CARMIL3: variants seen among roughly 807,000 people sequenced by gnomAD.
CARMIL3 encodes the protein capping protein, Arp2/3 and myosin-I linker protein 3.
CARMIL3 carries 88 observed loss-of-function variants against 180.8 expected under a neutral mutation model. That is an observed-to-expected ratio of 0.49 (90% CI 0.41 to 0.58). CARMIL3 has a LOEUF of 0.58. Among genes scored for constraint, CARMIL3 ranks in the 20% least tolerant of loss-of-function variants. CARMIL3 has a pLI of 0.00. For missense variants in CARMIL3, 1,548 were observed against 1,787.0 expected, an observed-to-expected ratio of 0.87 and a Z score of 2.41; for synonymous variants, 696 against 714.5, an observed-to-expected ratio of 0.97 and a Z score of 0.41.
Position 24,054,392 on chromosome 14 carries a change from C to G in CARMIL3, c.247-4C>G. The G allele has an allele frequency of 6.2e-7, 1 of 1,614,122 alleles. No individual in the cohort carries two copies. The highest frequency in any genetic ancestry group is 8.5e-7 in the Non-Finnish European group (1 of 1,179,994). Reference sequence around the variant, plus strand: ...CTGAGGCTCTGACGCTTCGTCTCCCCCAGATCCTGGTGGAGACGGAGCGTG... The same window carrying G: ...CTGAGGCTCTGACGCTTCGTCTCCCGCAGATCCTGGTGGAGACGGAGCGTG... On this transcript the variant is annotated splice_polypyrimidine_tract_variant and splice_region_variant and intron_variant, in intron 4 of 39. Transcript: ENST00000342740. The surrounding 1 kb of genome is among the most constrained non-coding windows in gnomAD (Gnocchi z 5.1).
rs2035641995 is a variant in CARMIL3, at chr14:24,053,724, G to T, written c.56G>T (p.Cys19Phe). Residue 19 changes from cysteine (C) to phenylalanine (F), a missense_variant, in exon 2 of 40, where the codon TGC (cysteine) becomes TTC (phenylalanine). Coordinates refer to ENST00000342740, the MANE Select transcript of CARMIL3 (RefSeq NM_138360.4). ...CCCCCCTCAGACAGCATCCGGAGGT[G>T]CCTGAGCCAAGGGGCCGTGCTCCAA... ...TRELQDSIRR[C>F]LSQGAVLQQH... 6.2e-7 allele frequency: 1 copy of T among 1,612,338 alleles called. No homozygotes were observed. The highest frequency in any genetic ancestry group is 8.5e-7 in the Non-Finnish European group (1 of 1,179,064).
rs771502657 is a variant in CARMIL3 at position 24,055,299 on chromosome 14, C to G, written c.594C>G (p.His198Gln). 30 of 1,613,998 alleles carry G rather than the reference C, an allele frequency of 1.9e-5. No individual in the cohort carries two copies. The highest frequency in any genetic ancestry group is 4.0e-5 in the African/African-American group (3 of 74,884). The change falls in exon 8 of 40, where the codon CAC (histidine) becomes CAG (glutamine). Residue 198 changes from histidine to glutamine, a missense_variant. His to Gln is a conservative substitution (Grantham distance 24, BLOSUM62 0). Around this residue, in one of 4 missense-constraint regions of CARMIL3, gnomAD observed 578 missense variants for 666.5 expected, o/e 0.87. Transcript: ENST00000342740. ...AGTTCAATCTTTTGGATTTCAGCCA[C>G]TTGGAGAGCCGGTAAGCAGATGGGG... ...NREFNLLDFS[H>Q]LESRDLALMV...
intron 1 of CARMIL3, among the ~76,000 whole-genome samples, chr14:24,052,862 GC>G (rs1329190015): frequency 6.6e-6 from 1 of 152,158 alleles, no homozygotes; most frequent in Non-Finnish European, 1.5e-5. Flanking sequence ...CCAAACCCAG[GC>G]CCGGCCACCC....
intron 11 of CARMIL3, 99 bp downstream of exon 11, chr14:24,056,492 C>T (rs749787285): frequency 4.8e-5 from 70 of 1,473,176 alleles, no homozygotes; most frequent in Non-Finnish European, 6.0e-5. Flanking sequence ...AGCCTGATTC[C>T]AGCCCCTGCC....
In CARMIL3 at chr14:24,059,275, G is replaced by A. The variant is rs2035705543; in HGVS notation, c.1632G>A (p.Leu544=). The A allele has an allele frequency of 6.2e-7, 1 of 1,613,956 alleles. No homozygotes were observed. The highest frequency in any genetic ancestry group is 8.5e-7 in the Non-Finnish European group (1 of 1,180,010). The change falls in exon 21 of 40, where the codon CTG becomes CTA. Residue 544 remains leucine, a synonymous_variant. Transcript: ENST00000342740. This position sits in a 1 kb window ranked among gnomAD's most constrained non-coding sequence, Gnocchi z 6.3. ...VQLIQEEDCS[L]QSLSVADSRL... ...ACCGCCCCTTGCCCACACAGTCCCTGCAGTCACTGTCGGTGGCAGACTCCC... is the reference window on the plus strand; with the variant it reads ...ACCGCCCCTTGCCCACACAGTCCCTACAGTCACTGTCGGTGGCAGACTCCC...
chr14:24,057,508 C>G (rs2138722790), intron 14 of CARMIL3, among the ~76,000 whole-genome samples: 1 of 152,274 alleles, frequency 6.6e-6, no homozygotes, highest in East Asian at 1.9e-4. Context: ...GGAATGGATG[C>G]TTTTCCTAAC....
At position 24,054,237 on chromosome 14, in the gene CARMIL3, C is replaced by G. The variant is rs1425327885; in HGVS notation, c.187-5C>G. 1 of 1,614,048 alleles carries G rather than the reference C, an allele frequency of 6.2e-7. No individual in the cohort carries two copies. ...CCAGGAGCTGAGCATCTCCATCCCT[C>G]CTAGGTGGAGAGCTCCTTCAATGTC... On this transcript the variant is annotated splice_region_variant and splice_polypyrimidine_tract_variant and intron_variant, in intron 3 of 39. Coordinates refer to ENST00000342740, the MANE Select transcript of CARMIL3 (RefSeq NM_138360.4). The surrounding 1 kb of genome is among the most constrained non-coding windows in gnomAD (Gnocchi z 5.1).
chr14:24,065,178 G>A lies in CARMIL3; in HGVS notation c.3301G>A (p.Gly1101Ser), dbSNP rs756731648. 1.4e-5 allele frequency: 20 copies of A among 1,402,186 alleles called. No individual in the cohort carries two copies. Among genetic ancestry groups the A allele is most frequent in the East Asian group, 5.7e-5 (2 of 34,948 alleles). 86.9% of individuals were successfully genotyped at this position (1,402,186 alleles called of 1,614,324 possible). Reference protein sequence around the residue: ...SPPSPDPPSLGNNSSPCWSPE... With the variant: ...SPPSPDPPSLSNNSSPCWSPE... ...CCCTAGCCCAGACCCCCCAAGCCTC[G>A]GCAATAACTCCTCTCCCTGCTGGAG... Residue 1101 changes from glycine (G) to serine (S), a missense_variant, in exon 33 of 40, where the codon GGC (glycine) becomes AGC (serine). Physicochemically the swap from Gly to Ser is moderately conservative, Grantham distance 56. Around this residue, in one of 4 missense-constraint regions of CARMIL3, gnomAD observed 668 missense variants for 687.8 expected, o/e 0.97. Coordinates refer to ENST00000342740, the MANE Select transcript of CARMIL3 (RefSeq NM_138360.4).
chr14:24,068,329 G>A (rs2035811713), intron 36 of CARMIL3, among the ~76,000 whole-genome samples: 1 of 151,632 alleles, frequency 6.6e-6, no homozygotes. Context: ...CCCGAGAGGT[G>A]GAGGTTGCAG....
rs767029237 is a variant in CARMIL3, at chr14:24,056,321, G to A, written c.793G>A (p.Gly265Arg). Residue 265 changes from glycine to arginine, a missense_variant, in exon 11 of 40, where the codon GGG becomes AGG. By Grantham distance (125) the Gly-to-Arg change is moderately radical (BLOSUM62 -2). This residue lies in a region of CARMIL3 where 578 missense variants were observed against 666.5 expected (regional missense o/e 0.87). Coordinates refer to ENST00000342740, the MANE Select transcript of CARMIL3 (RefSeq NM_138360.4). ...LKTDFVQKLAGVFGENGSCVL... is the reference protein window; with the variant it reads ...LKTDFVQKLARVFGENGSCVL... Reference sequence around the variant, plus strand: ...AAGGGACTTTGTCCAGAAGCTGGCCGGGGTGTTTGGGGAGAACGGGAGCTG... The same window carrying A: ...AAGGGACTTTGTCCAGAAGCTGGCCAGGGTGTTTGGGGAGAACGGGAGCTG... 14 of 1,613,822 alleles carry A rather than the reference G, an allele frequency of 8.7e-6. No individual in the cohort carries two copies. The East Asian group carries it at 8.9e-5, about 10-fold the overall frequency.
chr14:24,059,491 A>T lies in CARMIL3; in HGVS notation c.1799+49A>T. On this transcript the variant is annotated intron_variant, in intron 21 of 39. Coordinates refer to ENST00000342740, the MANE Select transcript of CARMIL3 (RefSeq NM_138360.4). The surrounding 1 kb of genome is among the most constrained non-coding windows in gnomAD (Gnocchi z 6.3). ...TGACCTGGAGCCCCAGCCCCTCCCC[A>T]TATGTACATAATCTCCCTGCTTTCC... is the stretch of plus-strand genomic sequence containing the variant. 1 of 1,540,402 alleles carries T rather than the reference A, an allele frequency of 6.5e-7. No homozygotes were observed. The highest frequency in any genetic ancestry group is 8.8e-7 in the Non-Finnish European group (1 of 1,139,388).
At chr14:24,065,400 C>A in intron 33 of CARMIL3, 127 bp downstream of exon 33, 1 of 1,096,446 alleles carries the variant, frequency 9.1e-7, no homozygotes, top group Non-Finnish European at 1.3e-6. Flanking sequence ...TTGGTCATTT[C>A]AATTCTCCTC....
Position 24,060,765 on chromosome 14 carries a change from T to TC in CARMIL3, c.2190+11dup. The TC allele has an allele frequency of 1.9e-6, 3 of 1,612,056 alleles. No individual in the cohort carries two copies. The highest frequency in any genetic ancestry group is 2.5e-6 in the Non-Finnish European group (3 of 1,178,918). ...CCAAGAACTCCCGGGCGGTGAGCCC[T>TC]CCACAGGCTACCCTTCCCCTGAAGT... On this transcript the variant is annotated intron_variant, in intron 25 of 39. Coordinates refer to ENST00000342740, the MANE Select transcript of CARMIL3 (RefSeq NM_138360.4).
Position 24,061,611 on chromosome 14 carries a change from C to G in CARMIL3, c.2419C>G (p.Arg807Gly). The change falls in exon 27 of 40, where the codon CGG becomes GGG. Residue 807 changes from arginine (R) to glycine (G), a missense_variant. Physicochemically the swap from Arg to Gly is moderately radical, Grantham distance 125 (BLOSUM62 -2). Coordinates refer to ENST00000342740, the MANE Select transcript of CARMIL3 (RefSeq NM_138360.4). The surrounding 1 kb of genome is among the most constrained non-coding windows in gnomAD (Gnocchi z 4.1). ...TGTGGCGGAGCGTGTCACTGTGCCC[C>G]GGAACTTCATCCGAGGGGCACTGCT... The part of the protein sequence containing the change: ...SNVAERVTVP[R>G]NFIRGALLEQ... 1 of 1,613,916 alleles carries G rather than the reference C, an allele frequency of 6.2e-7. No homozygotes were observed. Among genetic ancestry groups the G allele is most frequent in the Non-Finnish European group, 8.5e-7 (1 of 1,179,986 alleles).
rs766355828 is a variant in CARMIL3, at chr14:24,054,042, G to A, written c.136-46G>A. Reference sequence around the variant, plus strand: ...GGCTTAAGGAGGGCAGGGCCACCAAGGCCCAGCAGCTGCCATGAGCTGCCG... The same window carrying A: ...GGCTTAAGGAGGGCAGGGCCACCAAAGCCCAGCAGCTGCCATGAGCTGCCG... On this transcript the variant is annotated intron_variant, in intron 2 of 39. Transcript: ENST00000342740. This position sits in a 1 kb window ranked among gnomAD's most constrained non-coding sequence, Gnocchi z 5.1. 6.8e-6 allele frequency: 11 copies of A among 1,608,206 alleles called. No homozygotes were observed. The highest frequency in any genetic ancestry group is 6.8e-6 in the Non-Finnish European group (8 of 1,176,600).
rs369181384 is a variant in CARMIL3, at chr14:24,058,254, C to T, written c.1392+30C>T. The T allele has an allele frequency of 2.2e-5, 35 of 1,600,224 alleles. No individual in the cohort carries two copies. Among genetic ancestry groups the T allele is most frequent in the Middle Eastern group, 3.3e-4 (2 of 6,036 alleles). ...GCCCTCAGTCCCCAACCCCTCTGCCCGCCTCCGATCCATGTGCATTTCTCA... is the reference window on the plus strand; with the variant it reads ...GCCCTCAGTCCCCAACCCCTCTGCCTGCCTCCGATCCATGTGCATTTCTCA... On this transcript the variant is annotated intron_variant, in intron 17 of 39. Coordinates refer to ENST00000342740, the MANE Select transcript of CARMIL3 (RefSeq NM_138360.4). The surrounding 1 kb of genome is among the most constrained non-coding windows in gnomAD (Gnocchi z 6.4).
At chr14:24,052,252 G>A in intron 1 of CARMIL3, 59 bp downstream of exon 1, 1 of 1,506,876 alleles carries the variant, frequency 6.6e-7, no homozygotes, top group Non-Finnish European at 8.9e-7. Context: ...GACCCAGCGC[G>A]TTCCTCCCCG....
chr14:24,057,144 A>T (rs2035680143), intron 13 of CARMIL3, 23 bp from the exon 14 acceptor site: 1 of 1,611,614 alleles, frequency 6.2e-7, no homozygotes, highest in African/African-American at 1.3e-5. Flanking sequence ...TTCCCCTGCA[A>T]CCCCTCTTCC....
At position 24,068,703 on chromosome 14, in the gene CARMIL3, G is replaced by A. The variant is rs1240284360; in HGVS notation, c.3801+1G>A. The A allele has an allele frequency of 6.2e-7, 1 of 1,613,496 alleles. No individual in the cohort carries two copies. The highest frequency in any genetic ancestry group is 8.5e-7 in the Non-Finnish European group (1 of 1,179,668). On this transcript the variant is annotated splice_donor_variant, in intron 37 of 39. Transcript: ENST00000342740. LOFTEE classifies it high-confidence loss of function. The stretch of plus-strand genomic sequence containing the variant: ...GACACTTCCAGCTAGGAATGCCAAG[G>A]TGAGAGCTGGCAAGATGGGTGGGGG...
Sources: allele counts gnomAD v4.1 joint callset (sites outside exome capture counted in the v4.1 genomes callset), GRCh38; gene constraint gnomAD v4.1.1; regional missense constraint gnomAD v4.1.1; non-coding constraint Gnocchi (gnomAD v3.1); transcripts MANE v1.5; gene names NCBI Gene and HGNC (gene_info 2026-07-23, HGNC 2026-07-21).